GALNT6: variants seen among roughly 807,000 people sequenced by gnomAD.
GALNT6 encodes polypeptide N-acetylgalactosaminyltransferase 6.
A neutral mutation model predicts 65.9 loss-of-function variants in GALNT6; 51 were observed. That is an observed-to-expected ratio of 0.77 (90% CI 0.62 to 0.98). The LOEUF is 0.98. Among genes scored for constraint, GALNT6 ranks in the 50% least tolerant of loss-of-function variants. The probability of loss-of-function intolerance (pLI) is 0.00; values close to 1 mark genes in which losing one functional copy is unlikely to be tolerated. For synonymous variants in GALNT6, 323 were observed against 315.1 expected (o/e 1.02, Z -0.26); for missense variants, 708 against 803.3 (o/e 0.88, Z 1.43).
intron 4 of GALNT6, 28 bp from the exon 5 acceptor site, chr12:51,365,607 G>C: frequency 6.2e-7 from 1 of 1,607,596 alleles, no homozygotes; most frequent in Non-Finnish European, 8.5e-7. Context: ...ATTGTGGCCA[G>C]TCCACCACTT....
intron 7 of GALNT6, among the ~76,000 whole-genome samples, chr12:51,360,490 C>T (rs1946884343): frequency 6.6e-6 from 1 of 152,120 alleles, no homozygotes; most frequent in African/African-American, 2.4e-5. Flanking sequence ...TATTCCTTGC[C>T]TCTGAGAAGT....
rs761465256 is a variant in GALNT6 at position 51,365,588 on chromosome 12, GAC to G, written c.665-11_665-10del. On this transcript the variant is annotated splice_polypyrimidine_tract_variant and intron_variant, in intron 4 of 11. Coordinates refer to ENST00000356317, the MANE Select transcript of GALNT6 (RefSeq NM_007210.4). ...CTTCTCCTTTAGGTGCTCTGGAAGG[GAC>G]AGTGTCATTGTGGCCAGTCCACCAC... 6.2e-7 allele frequency: 1 copy of G among 1,613,082 alleles called. No homozygotes were observed. The highest frequency in any genetic ancestry group is 8.5e-7 in the Non-Finnish European group (1 of 1,179,436).
intron 6 of GALNT6, among the ~76,000 whole-genome samples, chr12:51,361,764 C>T (rs1320261068): frequency 6.6e-6 from 1 of 152,054 alleles, no homozygotes; most frequent in Non-Finnish European, 1.5e-5. Context: ...ATGGCAGGAG[C>T]ACAATCATCA....
rs558426601 is a variant in GALNT6, at chr12:51,354,285, G to A, written c.*94C>T. The A allele has an allele frequency of 1.0e-5, 7 of 671,086 alleles. No individual in the cohort carries two copies. Among genetic ancestry groups the A allele is most frequent in the Non-Finnish European group, 1.7e-5 (7 of 406,422 alleles). 41.6% of individuals were successfully genotyped at this position (671,086 alleles called of 1,614,324 possible). A position where few individuals can be genotyped will look rare whatever the true frequency, so the allele number is the denominator to read the frequency against. The stretch of plus-strand genomic sequence containing the variant: ...AGTGGGTTTAGAAATCCATCTTTAC[G>A]GCCTCCAGAGAAGCTGGTGATCAGG... On this transcript the variant is annotated 3_prime_UTR_variant, in exon 12 of 12. Coordinates refer to ENST00000356317, the MANE Select transcript of GALNT6 (RefSeq NM_007210.4).
chr12:51,387,951 C>G lies in GALNT6; in HGVS notation c.-104+2899G>C, dbSNP rs1014958086. Among the ~76,000 whole-genome samples the G allele has an allele frequency of 2.6e-5, 4 of 152,192 alleles. No individual in the cohort carries two copies. Among genetic ancestry groups the G allele is most frequent in the Admixed American group, 2.0e-4 (3 of 15,282 alleles). On this transcript the variant is annotated intron_variant, in intron 2 of 11. Transcript: ENST00000356317. This position sits in a 1 kb window ranked among gnomAD's most constrained non-coding sequence, Gnocchi z 4.2. ...TCTGCTCTTGGCTGCAGAACTTTCA[C>G]CCGGGGCCACTGGCTACTCAATGTA...
intron 4 of GALNT6, among the ~76,000 whole-genome samples, chr12:51,373,484 A>G (rs1327877153): frequency 6.6e-6 from 1 of 152,128 alleles, no homozygotes; most frequent in Non-Finnish European, 1.5e-5. Context: ...CCCTTCTGCC[A>G]TGATTATAGG....
rs558965772 is a variant in GALNT6 at position 51,385,496 on chromosome 12, T to A, written c.-104+5354A>T. ...ATTAAATTATAAAACTGCCCTAAGA[T>A]TTTTGGGATGCCCTGTCACATATAC... is the stretch of plus-strand genomic sequence containing the variant. On this transcript the variant is annotated intron_variant, in intron 2 of 11. Transcript: ENST00000356317. Among the ~76,000 whole-genome samples the A allele has an allele frequency of 5.9e-5, 9 of 152,296 alleles. No homozygotes were observed. In the East Asian group the frequency reaches 1.5e-3, roughly 26 times the overall value.
intron 5 of GALNT6, 39 bp downstream of exon 5, chr12:51,365,391 G>A (rs755257090): frequency 6.4e-7 from 1 of 1,566,360 alleles, no homozygotes; most frequent in Non-Finnish European, 8.7e-7. Flanking sequence ...CAGGGAGGGA[G>A]CCTCCAGGTT....
At chr12:51,381,632 G>A (rs990281188) in intron 2 of GALNT6, among the ~76,000 whole-genome samples, 3 of 152,200 alleles carry the variant, frequency 2.0e-5, no homozygotes, top group Non-Finnish European at 4.4e-5. Flanking sequence ...TTGATCATTA[G>A]CAGCTGTGTG....
In GALNT6 at chr12:51,355,896, A is replaced by T. The variant is rs144411605; in HGVS notation, c.1665T>A (p.His555Gln). 8 of 1,613,714 alleles carry T rather than the reference A, an allele frequency of 5.0e-6. No individual in the cohort carries two copies. Among genetic ancestry groups the T allele is most frequent in the Non-Finnish European group, 6.8e-6 (8 of 1,179,796 alleles). The change falls in exon 11 of 12, where the codon CAT becomes CAA. Residue 555 changes from histidine (H) to glutamine (Q), a missense_variant. Transcript: ENST00000356317. Reference protein sequence around the residue: ...RHNIAKQLCLHVSKGALGLGS... With the variant: ...RHNIAKQLCLQVSKGALGLGS... ...CAAGGCCCAGAGCACCCTTGCTGAC[A>T]TGTAGACACAGCTGCTTTGCGATGT...
chr12:51,370,497 T>C (rs540947914), intron 4 of GALNT6, among the ~76,000 whole-genome samples: 26 of 152,288 alleles, frequency 1.7e-4, no homozygotes, highest in Admixed American at 1.5e-3. Flanking sequence ...ATTGCGCCAA[T>C]GGGCAACAAG....
chr12:51,360,153 A>G (rs1435716764), intron 7 of GALNT6: 1 of 152,162 alleles, frequency 6.6e-6, no homozygotes, highest in African/African-American at 2.4e-5. Flanking sequence ...TTGCTTCCTG[A>G]CCTAATCCTG....
At position 51,353,248 on chromosome 12, in the gene GALNT6, G is replaced by A. The variant is rs1946657687; in HGVS notation, c.*1131C>T. ...GTCTTTCTCACAGGATTACTGTACAGATAAAGTAAGATAAAGGACACCTGT... is the reference window on the plus strand; with the variant it reads ...GTCTTTCTCACAGGATTACTGTACAAATAAAGTAAGATAAAGGACACCTGT... On this transcript the variant is annotated 3_prime_UTR_variant, in exon 12 of 12. Coordinates refer to ENST00000356317, the MANE Select transcript of GALNT6 (RefSeq NM_007210.4). The A allele has an allele frequency of 6.6e-6, 1 of 152,100 alleles. No homozygotes were observed. The highest frequency in any genetic ancestry group is 1.5e-5 in the Non-Finnish European group (1 of 68,030). 9.4% of individuals were successfully genotyped at this position (152,100 alleles called of 1,614,324 possible). A position where few individuals can be genotyped will look rare whatever the true frequency, so the allele number is the denominator to read the frequency against.
chr12:51,354,614 C>T lies in GALNT6; in HGVS notation c.1756-122G>A, dbSNP rs531177491. The T allele has an allele frequency of 8.4e-5, 52 of 619,268 alleles. No homozygotes were observed. The South Asian group carries it at 1.0e-3, about 12-fold the overall frequency. The allele number at this position is 619,268 out of a possible 1,614,324, so 38.4% of individuals were successfully genotyped here. On this transcript the variant is annotated intron_variant, in intron 11 of 11. Coordinates refer to ENST00000356317, the MANE Select transcript of GALNT6 (RefSeq NM_007210.4). ...GGAACCCCACAAGGCACAAAGAGGA[C>T]ACTTCCCCATTCCTTTCCTGCCCTC...
chr12:51,374,703 T>C (rs966714963), intron 4 of GALNT6, among the ~76,000 whole-genome samples: 1 of 152,182 alleles, frequency 6.6e-6, no homozygotes, highest in African/African-American at 2.4e-5. Flanking sequence ...AGGGCTAAGC[T>C]TGTGGAGACT....
intron 4 of GALNT6, among the ~76,000 whole-genome samples, chr12:51,376,043 T>C (rs951273457): frequency 6.6e-6 from 1 of 151,926 alleles, no homozygotes; most frequent in Non-Finnish European, 1.5e-5. Flanking sequence ...TTTTGTATTT[T>C]GGGTAGAGAT....
intron 2 of GALNT6, among the ~76,000 whole-genome samples, chr12:51,386,568 G>A (rs1364029650): frequency 6.6e-6 from 1 of 152,178 alleles, no homozygotes; most frequent in Non-Finnish European, 1.5e-5. Flanking sequence ...CACCTCCTTA[G>A]ACGTGGCAGC....
chr12:51,373,030 T>C (rs1199581591), intron 4 of GALNT6, among the ~76,000 whole-genome samples: 1 of 152,192 alleles, frequency 6.6e-6, no homozygotes. Context: ...TGCCTATACC[T>C]CCATTGTATC....
Position 51,357,345 on chromosome 12 carries a change from A to G in GALNT6, c.1602+4T>C, listed in dbSNP as rs1318225610. On this transcript the variant is annotated splice_donor_region_variant and intron_variant, in intron 10 of 11. Transcript: ENST00000356317. The stretch of plus-strand genomic sequence containing the variant: ...GATGCTCCGGAGATGGGTGGGCTGC[A>G]TACCTGGTTGCCGCCAAGGCCGTGG... 6.3e-7 allele frequency: 1 copy of G among 1,597,902 alleles called. No individual in the cohort carries two copies. The highest frequency in any genetic ancestry group is 1.7e-5 in the Admixed American group (1 of 60,006).
Sources: gnomAD v4.1 joint callset for allele counts (sites outside exome capture counted in the v4.1 genomes callset) on GRCh38, gnomAD v4.1.1 for gene constraint, Gnocchi (gnomAD v3.1) non-coding constraint, MANE v1.5 for transcripts, NCBI Gene and HGNC (gene_info 2026-07-23, HGNC 2026-07-21) for gene names.